The following GON4L variants were observed in gnomAD, a reference collection of about 807,000 sequenced individuals.
The protein encoded by GON4L is gon-4 like.
A neutral mutation model predicts 211.8 loss-of-function variants in GON4L; 87 were observed. The ratio of observed to expected loss-of-function variants is 0.41; its 90% confidence interval spans 0.35 to 0.49. The LOEUF is 0.49. Among genes scored for constraint, GON4L ranks in the 20% least tolerant of loss-of-function variants. The probability of loss-of-function intolerance (pLI) is 0.15; values close to 1 mark genes in which losing one functional copy is unlikely to be tolerated. For synonymous variants in GON4L, 875 were observed against 962.6 expected, an observed-to-expected ratio of 0.91 and a Z score of 1.68; for missense variants, 2,155 against 2,659.5, an observed-to-expected ratio of 0.81 and a Z score of 4.17.
At chr1:155,747,894 G>C (rs750910131), downstream of GON4L, 19 of 1,569,388 alleles carry the variant, frequency 1.2e-5, no homozygotes, top group African/African-American at 6.8e-5. Flanking sequence ...CTACCATCGT[G>C]GGGTGAGTGG....
intron 2 of GON4L, among the ~76,000 whole-genome samples, chr1:155,836,042 G>A (rs1312374619): frequency 6.6e-6 from 1 of 152,192 alleles, no homozygotes; most frequent in Non-Finnish European, 1.5e-5. Context: ...TCAGGAGTTC[G>A]ATACTAGCCT....
rs868731663 is a variant in GON4L, at chr1:155,805,196, A to G, written c.1453-55T>C. 4.0e-5 allele frequency: 45 copies of G among 1,135,668 alleles called. No individual in the cohort carries two copies. The Middle Eastern group carries it at 1.9e-3, about 47-fold the overall frequency. The allele number at this position is 1,135,668 out of a possible 1,614,324, so 70.3% of individuals were successfully genotyped here. The stretch of plus-strand genomic sequence containing the variant: ...GTGAGTGATGTTTCCAAACCTCATC[A>G]TCACTCCTTTTCTTCTCATCTTAGC... On this transcript the variant is annotated intron_variant, in intron 10 of 31. Transcript: ENST00000368331.
At chr1:155,745,840 G>T (rs774823262), downstream of GON4L, 48 of 691,904 alleles carry the variant, frequency 6.9e-5, no homozygotes, top group Non-Finnish European at 1.1e-4. Context: ...TGGCGGGCGG[G>T]GCCCGGGAGG....
chr1:155,798,752 G>A (rs1047384823), intron 11 of GON4L, among the ~76,000 whole-genome samples: 5 of 151,774 alleles, frequency 3.3e-5, no homozygotes, highest in East Asian at 1.9e-4. Context: ...GCTGAATAAC[G>A]AAAGTTCTGG....
intron 31 of GON4L, among the ~76,000 whole-genome samples, chr1:155,751,525 G>A (rs747114350): frequency 1.3e-5 from 2 of 152,170 alleles, no homozygotes; most frequent in African/African-American, 2.4e-5. Context: ...CTCCAGCCTA[G>A]GCGACAAGTG....
chr1:155,834,959 C>T (rs1282973415), intron 2 of GON4L, among the ~76,000 whole-genome samples: 2 of 152,070 alleles, frequency 1.3e-5, no homozygotes, highest in African/African-American at 4.8e-5. Flanking sequence ...GCCCGGCCAC[C>T]ACCCCGTCTG....
chr1:155,805,759 G>A (rs879924123), intron 10 of GON4L, among the ~76,000 whole-genome samples: 1 of 150,654 alleles, frequency 6.6e-6, no homozygotes, highest in Non-Finnish European at 1.5e-5. Context: ...GTGCCATCTC[G>A]GCTCACTGCA....
intron 2 of GON4L, among the ~76,000 whole-genome samples, chr1:155,832,435 T>TC (rs1669887175): frequency 6.6e-6 from 1 of 151,870 alleles, no homozygotes; most frequent in South Asian, 2.1e-4. Context: ...GGTCAGGAGT[T>TC]CAAGACCAGC....
At chr1:155,855,979 CAAAAAAA>C (rs755007254) in intron 1 of GON4L, among the ~76,000 whole-genome samples, 20 of 23,702 alleles carry the variant, frequency 8.4e-4, no homozygotes, top group East Asian at 6.6e-3. Context: ...GAGACTCTGT[CAAAAAAA>C]AAAAAAAAAA....
chr1:155,838,087 C>T (rs1264012996), intron 2 of GON4L, among the ~76,000 whole-genome samples: 1 of 136,686 alleles, frequency 7.3e-6, no homozygotes, highest in Admixed American at 8.0e-5. Context: ...AGTGAGACTC[C>T]ATCTCTAAAA....
chr1:155,824,199 G>C (rs1668972801), intron 3 of GON4L, among the ~76,000 whole-genome samples: 1 of 151,470 alleles, frequency 6.6e-6, no homozygotes, highest in African/African-American at 2.4e-5. Context: ...AAGGCGGGCA[G>C]ATCATTTGAG....
At chr1:155,779,268 A>G (rs921892547) in intron 14 of GON4L, among the ~76,000 whole-genome samples, 4 of 151,592 alleles carry the variant, frequency 2.6e-5, no homozygotes, top group African/African-American at 9.7e-5. Context: ...AAAAAAAAAA[A>G]AAAAAAGAAA....
intron 11 of GON4L, among the ~76,000 whole-genome samples, chr1:155,797,484 G>A (rs1268830383): frequency 1.3e-5 from 2 of 149,928 alleles, no homozygotes; most frequent in Non-Finnish European, 1.5e-5. Flanking sequence ...AGGGAGTTTC[G>A]CTCTTGTTGC....
intron 5 of GON4L, among the ~76,000 whole-genome samples, 156 bp from the exon 6 acceptor site, chr1:155,820,812 C>T (rs1344008538): frequency 1.3e-5 from 2 of 152,066 alleles, no homozygotes; most frequent in African/African-American, 2.4e-5. Context: ...GAGACACCCT[C>T]CCTACAAAAA....
intron 5 of GON4L, 58 bp downstream of exon 5, chr1:155,821,416 G>C: frequency 1.9e-6 from 2 of 1,061,446 alleles, no homozygotes; most frequent in Middle Eastern, 2.0e-4. Context: ...CCTACCCTTA[G>C]CCAGTTTAGA....
chr1:155,777,543 C>T (rs949897596), intron 15 of GON4L, 79 bp downstream of exon 15: 5 of 1,049,812 alleles, frequency 4.8e-6, no homozygotes, highest in Admixed American at 1.7e-5. Context: ...CGGGCCACTG[C>T]ACTCCAGGCT....
chr1:155,752,506 T>C lies in GON4L; in HGVS notation c.5927A>G (p.His1976Arg), dbSNP rs751213545. Residue 1976 changes from histidine (H) to arginine (R), a missense_variant, in exon 30 of 32, where the codon CAT becomes CGT. Physicochemically the swap from His to Arg is conservative, Grantham distance 29 (BLOSUM62 0). Transcript: ENST00000368331. ...ERLLLDGPPP[H>R]SPETPQFPPT... ...GGGAAATTGAGGAGTCTCTGGTGAA[T>C]GAGGTGGTGGGCCATCCAGGAGGAG... 3 of 1,590,914 alleles carry C rather than the reference T, an allele frequency of 1.9e-6. No homozygotes were observed. The highest frequency in any genetic ancestry group is 1.3e-5 in the African/African-American group (1 of 74,346).
At chr1:155,849,687 T>C (rs954381447) in intron 2 of GON4L, among the ~76,000 whole-genome samples, 23 of 148,056 alleles carry the variant, frequency 1.6e-4, no homozygotes, top group African/African-American at 5.7e-4. Flanking sequence ...GGCAGGAGAA[T>C]TGCTTGAACC....
intron 2 of GON4L, among the ~76,000 whole-genome samples, chr1:155,835,094 T>C (rs1180587355): frequency 6.6e-6 from 1 of 152,254 alleles, no homozygotes; most frequent in East Asian, 1.9e-4. Flanking sequence ...TGTGTAGAAA[T>C]AGGTAGACAT....
Sources: gnomAD v4.1 joint callset for allele counts (sites outside exome capture counted in the v4.1 genomes callset) on GRCh38, gnomAD v4.1.1 for gene constraint, MANE v1.5 for transcripts, NCBI Gene and HGNC (gene_info 2026-07-23, HGNC 2026-07-21) for gene names.